The following CLECL1 variants were observed in gnomAD, a reference collection of about 807,000 sequenced individuals.
The protein encoded by CLECL1 is C-type lectin-like domain family 1.
chr12:9,729,029 T>G (rs1382432858), intron 2 of CLECL1, among the ~76,000 whole-genome samples: 2 of 152,040 alleles, frequency 1.3e-5, no homozygotes, highest in Non-Finnish European at 2.9e-5. Flanking sequence ...GTTCTACAGA[T>G]ATTTGTAAGG....
At chr12:9,712,641 G>A (rs780718008), downstream of CLECL1, among the ~76,000 whole-genome samples, 13 of 152,236 alleles carry the variant, frequency 8.5e-5, no homozygotes, top group Middle Eastern at 3.4e-3. Flanking sequence ...TAGGGAGAAA[G>A]CATTCAAATC....
At chr12:9,711,941 C>T (rs1038699996), downstream of CLECL1, among the ~76,000 whole-genome samples, 3 of 152,188 alleles carry the variant, frequency 2.0e-5, no homozygotes, top group Admixed American at 2.0e-4. Context: ...GTCTTTACTT[C>T]ATGCAAGCTT....
Position 9,725,364 on chromosome 12 carries a change from T to C in CLECL1, n.262+2201A>G, listed in dbSNP as rs763470809. On this transcript the variant is annotated intron_variant and non_coding_transcript_variant, in intron 3 of 3. Transcript: ENST00000621400. ...CTTATAAAGTTCTTTCTCAGACTGA[T>C]ATAATGCACCTAAATCAAACCCTTT... Among the ~76,000 whole-genome samples the C allele has an allele frequency of 2.0e-5, 3 of 152,240 alleles. 1 individual carries two copies. The South Asian group carries it at 6.2e-4, about 32-fold the overall frequency.
At chr12:9,729,112 T>C (rs888952672) in intron 2 of CLECL1, among the ~76,000 whole-genome samples, 2 of 152,124 alleles carry the variant, frequency 1.3e-5, no homozygotes, top group African/African-American at 4.8e-5. Flanking sequence ...TATGTTTGGC[T>C]ATGTCCAAAG....
At chr12:9,722,510 C>A, downstream of CLECL1, 1 of 1,350,106 alleles carries the variant, frequency 7.4e-7, no homozygotes, top group Non-Finnish European at 9.5e-7. Flanking sequence ...TTCAACAATT[C>A]ATTCAACTAA....
chr12:9,715,562 A>G (rs1866229238), downstream of CLECL1, among the ~76,000 whole-genome samples: 2 of 152,172 alleles, frequency 1.3e-5, no homozygotes, highest in African/African-American at 4.8e-5. Context: ...GTCCTACCTC[A>G]GTGACCTGAT....
At chr12:9,714,693 G>T (rs1717321167), downstream of CLECL1, among the ~76,000 whole-genome samples, 1 of 152,132 alleles carries the variant, frequency 6.6e-6, no homozygotes, top group Non-Finnish European at 1.5e-5. Flanking sequence ...TGTCAGGGTG[G>T]TTCTTTTGGG....
chr12:9,723,803 G>A (rs1170058391), intron 3 of CLECL1, among the ~76,000 whole-genome samples: 1 of 152,118 alleles, frequency 6.6e-6, no homozygotes, highest in Non-Finnish European at 1.5e-5. Context: ...GCCAGGTTAT[G>A]GTAAGAACAA....
At chr12:9,705,017 C>T in the CLECL1 span, among the ~76,000 whole-genome samples, 130 of 152,294 alleles carry the variant, frequency 8.5e-4, no homozygotes, top group African/African-American at 3.0e-3. Context: ...ACCTAATTTA[C>T]ACTCCCACCA....
At chr12:9,725,175 T>G (rs76013389) in intron 3 of CLECL1, among the ~76,000 whole-genome samples, 2,554 of 152,248 alleles carry the variant, frequency 0.017, 75 homozygotes, top group African/African-American at 0.058. Flanking sequence ...AAAGGAAGTT[T>G]TTCAGGCTGA....
intron 3 of CLECL1, among the ~76,000 whole-genome samples, chr12:9,723,751 G>A (rs1446234288): frequency 1.3e-5 from 2 of 152,170 alleles, no homozygotes; most frequent in Admixed American, 6.5e-5. Flanking sequence ...TAACTTGTGT[G>A]TACAATTTTT....
intron 2 of CLECL1, among the ~76,000 whole-genome samples, chr12:9,717,286 T>C (rs2121039200): frequency 6.6e-6 from 1 of 152,274 alleles, no homozygotes; most frequent in South Asian, 2.1e-4. Context: ...GGCACGCACC[T>C]ATAATGATGA....
chr12:9,702,538 A>G, the CLECL1 span, among the ~76,000 whole-genome samples: 8,615 of 152,170 alleles, frequency 0.057, 263 homozygotes, highest in African/African-American at 0.072. Flanking sequence ...TTGGTCTGTG[A>G]TCCCAGGCTT....
At chr12:9,714,024 T>C (rs1415039919), downstream of CLECL1, among the ~76,000 whole-genome samples, 3 of 152,242 alleles carry the variant, frequency 2.0e-5, no homozygotes, top group Admixed American at 6.5e-5. Context: ...TTTTAGCTGC[T>C]AGCAAGTAGT....
exon 3 of CLECL1, chr12:9,716,001 A>G (rs1399074452): frequency 6.6e-6 from 1 of 152,332 alleles, no homozygotes; most frequent in African/African-American, 2.4e-5. Flanking sequence ...ATTGCCTTGT[A>G]TCTTCTGCCT....
chr12:9,729,032 T>C (rs1866414102), intron 2 of CLECL1, among the ~76,000 whole-genome samples: 1 of 152,052 alleles, frequency 6.6e-6, no homozygotes, highest in Non-Finnish European at 1.5e-5. Context: ...CTACAGATAT[T>C]TGTAAGGAAC....
At chr12:9,724,875 A>G (rs1421984086) in intron 3 of CLECL1, among the ~76,000 whole-genome samples, 2 of 152,208 alleles carry the variant, frequency 1.3e-5, no homozygotes, top group African/African-American at 4.8e-5. Context: ...TAAGAAATTC[A>G]TATGTATGAA....
intron 2 of CLECL1, among the ~76,000 whole-genome samples, chr12:9,728,675 AAGT>A (rs1439873270): frequency 3.2e-4 from 49 of 152,030 alleles, no homozygotes; most frequent in African/African-American, 1.1e-3. Flanking sequence ...ACATAATGAA[AAGT>A]AGTATAGTAG....
At chr12:9,708,033 G>T in the CLECL1 span, among the ~76,000 whole-genome samples, 3 of 152,174 alleles carry the variant, frequency 2.0e-5, no homozygotes, top group African/African-American at 7.2e-5. Flanking sequence ...CACTTCGGGT[G>T]CCTGGGTGTG....
Sources: allele counts gnomAD v4.1 joint callset (sites outside exome capture counted in the v4.1 genomes callset), GRCh38; gene constraint gnomAD v4.1.1; transcripts MANE v1.5; gene names NCBI Gene and HGNC (gene_info 2026-07-23, HGNC 2026-07-21).